GMDS: variants seen among roughly 807,000 people sequenced by gnomAD.
GMDS encodes GDP-mannose 4,6-dehydratase.
A neutral mutation model predicts 49.9 loss-of-function variants in GMDS; 20 were observed. The observed-to-expected ratio is 0.40, with a 90% CI of 0.28 to 0.58. The LOEUF is 0.58. Among genes scored for constraint, GMDS ranks in the 20% least tolerant of loss-of-function variants. GMDS has a pLI of 0.42. For missense variants in GMDS, 362 were observed against 481.4 expected (o/e 0.75, Z 2.32); for synonymous variants, 177 against 178.6 (o/e 0.99, Z 0.07).
rs918722916 is a variant in GMDS at position 1,838,042 on chromosome 6, T to C, written c.771+92061A>G. Among the ~76,000 whole-genome samples the C allele has an allele frequency of 7.2e-5, 11 of 152,208 alleles. No homozygotes were observed. In the East Asian group the frequency reaches 1.5e-3, roughly 21 times the overall value. On this transcript the variant is annotated intron_variant, in intron 7 of 10. Transcript: ENST00000380815. ...GGTAGGTACCTGTCTGGAGGCATTTTATGCTATTGGTGCAAACCTCCCACG... is the reference window on the plus strand; with the variant it reads ...GGTAGGTACCTGTCTGGAGGCATTTCATGCTATTGGTGCAAACCTCCCACG...
At chr6:1,767,971 T>C (rs770831337) in intron 7 of GMDS, among the ~76,000 whole-genome samples, 2 of 152,182 alleles carry the variant, frequency 1.3e-5, no homozygotes, top group African/African-American at 2.4e-5. Context: ...CTGCCAGCTA[T>C]GTTATGCATA....
At chr6:1,709,589 T>A (rs1375516279) in intron 9 of GMDS, among the ~76,000 whole-genome samples, 1 of 152,190 alleles carries the variant, frequency 6.6e-6, no homozygotes, top group Non-Finnish European at 1.5e-5. Flanking sequence ...AAGCCCTTAA[T>A]GCTTGGAGCT....
intron 6 of GMDS, among the ~76,000 whole-genome samples, chr6:1,938,436 T>C (rs1327918557): frequency 6.6e-6 from 1 of 152,240 alleles, no homozygotes; most frequent in Non-Finnish European, 1.5e-5. Context: ...TTTTGCTAAG[T>C]GCACAGTTCA....
intron 4 of GMDS, among the ~76,000 whole-genome samples, chr6:2,113,398 C>G (rs887366158): frequency 6.6e-6 from 1 of 151,956 alleles, no homozygotes; most frequent in African/African-American, 2.4e-5. Flanking sequence ...TATATCTTCC[C>G]CCGTTCAAAA....
chr6:2,113,673 C>T (rs1404206713), intron 4 of GMDS, among the ~76,000 whole-genome samples: 1 of 152,094 alleles, frequency 6.6e-6, no homozygotes, highest in African/African-American at 2.4e-5. Context: ...TACCCCCAGA[C>T]GGAAGTTCTC....
intron 9 of GMDS, among the ~76,000 whole-genome samples, chr6:1,721,647 T>G (rs1766388534): frequency 6.6e-6 from 1 of 152,186 alleles, no homozygotes; most frequent in Non-Finnish European, 1.5e-5. Context: ...TTGCTTTTTT[T>G]TTCTTTTGTT....
chr6:2,221,645 C>A (rs1171931357), intron 1 of GMDS, among the ~76,000 whole-genome samples: 1 of 152,216 alleles, frequency 6.6e-6, no homozygotes, highest in East Asian at 1.9e-4. Flanking sequence ...GCCTCGGCCT[C>A]CCAAAGTGCT....
chr6:2,052,107 A>C (rs1314526800), intron 4 of GMDS, among the ~76,000 whole-genome samples: 1 of 140,914 alleles, frequency 7.1e-6, no homozygotes, highest in Non-Finnish European at 1.5e-5. Flanking sequence ...ACAGAGCAAG[A>C]CTCTGTCTCA....
intron 4 of GMDS, among the ~76,000 whole-genome samples, chr6:2,084,800 C>T (rs1371727367): frequency 6.6e-6 from 1 of 152,152 alleles, no homozygotes; most frequent in African/African-American, 2.4e-5. Flanking sequence ...AGCCACCATG[C>T]CCGGCCTAAA....
At chr6:2,024,137 G>C (rs1249238416) in intron 4 of GMDS, among the ~76,000 whole-genome samples, 11 of 152,128 alleles carry the variant, frequency 7.2e-5, no homozygotes. Flanking sequence ...TAGATAGTAA[G>C]AGATAATAGG....
chr6:2,076,310 A>G (rs1421352090), intron 4 of GMDS, among the ~76,000 whole-genome samples: 3 of 152,164 alleles, frequency 2.0e-5, no homozygotes, highest in Non-Finnish European at 4.4e-5. Context: ...GGAAGAATCA[A>G]TATCGTGAAA....
chr6:1,664,046 A>G (rs1484879943), intron 9 of GMDS, among the ~76,000 whole-genome samples: 2 of 152,244 alleles, frequency 1.3e-5, no homozygotes, highest in African/African-American at 2.4e-5. Flanking sequence ...ATTTCAACAA[A>G]TAAATCACAT....
At chr6:2,081,964 C>A (rs1225873017) in intron 4 of GMDS, among the ~76,000 whole-genome samples, 1 of 152,116 alleles carries the variant, frequency 6.6e-6, no homozygotes, top group Non-Finnish European at 1.5e-5. Flanking sequence ...GTGTAACAAA[C>A]CCAATGCCCA....
Position 1,635,471 on chromosome 6 carries a change from C to G in GMDS, c.988-10931G>C, listed in dbSNP as rs1413872504. Among the ~76,000 whole-genome samples the G allele has an allele frequency of 6.6e-6, 1 of 152,178 alleles. No individual in the cohort carries two copies. The highest frequency in any genetic ancestry group is 2.4e-5 in the African/African-American group (1 of 41,442). On this transcript the variant is annotated intron_variant, in intron 9 of 10. Transcript: ENST00000380815. This position sits in a 1 kb window ranked among gnomAD's most constrained non-coding sequence, Gnocchi z 4.7. ...GACATCATAAAAGCCTGATTTATCGCCGGCCACCAAACATCTAGAAAATCA... is the reference window on the plus strand; with the variant it reads ...GACATCATAAAAGCCTGATTTATCGGCGGCCACCAAACATCTAGAAAATCA...
chr6:1,947,603 A>G (rs1024457834), intron 6 of GMDS, among the ~76,000 whole-genome samples: 11 of 152,202 alleles, frequency 7.2e-5, no homozygotes, highest in African/African-American at 2.4e-4. Flanking sequence ...CTGCTTTAGC[A>G]GCCTTTCAGG....
intron 7 of GMDS, among the ~76,000 whole-genome samples, chr6:1,861,403 G>A (rs559407289): frequency 3.5e-4 from 54 of 152,336 alleles, no homozygotes; most frequent in African/African-American, 1.3e-3. Context: ...CCACTCCAGT[G>A]TGGTGCAGCT....
intron 7 of GMDS, among the ~76,000 whole-genome samples, chr6:1,888,360 G>A (rs1431733864): frequency 1.3e-5 from 2 of 151,992 alleles, no homozygotes; most frequent in African/African-American, 4.8e-5. Flanking sequence ...GGGGAAGCAA[G>A]GCACCTTCTT....
chr6:1,821,045 T>C (rs553369606), intron 7 of GMDS, among the ~76,000 whole-genome samples: 105 of 152,304 alleles, frequency 6.9e-4, no homozygotes, highest in African/African-American at 2.3e-3. Context: ...TGCCACCTCA[T>C]TGTGTCTTGT....
chr6:1,808,424 A>C (rs2113674189), intron 7 of GMDS, among the ~76,000 whole-genome samples: 1 of 152,306 alleles, frequency 6.6e-6, no homozygotes, highest in East Asian at 1.9e-4. Context: ...TGCTAAACAG[A>C]GACATGAGGC....
Sources: gnomAD v4.1 joint callset for allele counts (sites outside exome capture counted in the v4.1 genomes callset) on GRCh38, gnomAD v4.1.1 for gene constraint, Gnocchi (gnomAD v3.1) non-coding constraint, MANE v1.5 for transcripts, NCBI Gene and HGNC (gene_info 2026-07-23, HGNC 2026-07-21) for gene names.